Variants in JPH3 observed in about 807,000 individuals in gnomAD.
JPH3 encodes junctophilin-3.
JPH3 carries 11 observed loss-of-function variants against 59.6 expected under a neutral mutation model. The ratio of observed to expected loss-of-function variants is 0.18; its 90% CI spans 0.12 to 0.31. JPH3 has a LOEUF of 0.31. Ranked by LOEUF, JPH3 falls within the 10% of genes least tolerant of loss-of-function variation. The pLI, the probability that JPH3 is intolerant of heterozygous loss-of-function variation, is 1.00. For synonymous variants in JPH3, 673 were observed against 483.6 expected (o/e 1.39, Z -5.14); for missense variants, 1,202 against 1,105.7 (o/e 1.09, Z -1.24).
At chr16:87,687,625 C>T (rs2033449522) in intron 3 of JPH3, among the ~76,000 whole-genome samples, 2 of 149,294 alleles carry the variant, frequency 1.3e-5, no homozygotes, top group Non-Finnish European at 2.9e-5. Context: ...GGCTTGAAGG[C>T]ACAGGAAGAA....
At chr16:87,682,492 T>A (rs1328685071) in intron 2 of JPH3, among the ~76,000 whole-genome samples, 1 of 152,138 alleles carries the variant, frequency 6.6e-6, no homozygotes, top group Admixed American at 6.5e-5. Context: ...ATTAGTGCCC[T>A]GATGAAAGAG....
In JPH3 at chr16:87,619,896, G is replaced by A. The variant is rs573571616; in HGVS notation, c.382+16368G>A. Among the ~76,000 whole-genome samples the A allele has an allele frequency of 4.9e-4, 75 of 152,246 alleles. No homozygotes were observed. The South Asian group carries it at 0.014, about 28-fold the overall frequency. ...CTTCTAGGGAGTGAGGCTGGTGAGC[G>A]GGTTGGGGAGGAACCATGGGGCCTC... On this transcript the variant is annotated intron_variant, in intron 1 of 4. Coordinates refer to ENST00000284262, the MANE Select transcript of JPH3 (RefSeq NM_020655.4).
chr16:87,662,857 A>G (rs752550965), intron 2 of JPH3, among the ~76,000 whole-genome samples: 54 of 152,088 alleles, frequency 3.6e-4, no homozygotes, highest in Non-Finnish European at 6.5e-4. Flanking sequence ...GGCCCTCCCT[A>G]CCTGAAACCT....
chr16:87,626,727 G>C (rs970570219), intron 1 of JPH3, among the ~76,000 whole-genome samples: 3 of 152,266 alleles, frequency 2.0e-5, no homozygotes, highest in Admixed American at 6.5e-5. Flanking sequence ...TGGAGATGCA[G>C]ATGTTCCAAG....
At chr16:87,678,743 C>G (rs150306919) in intron 2 of JPH3, among the ~76,000 whole-genome samples, 33 of 152,274 alleles carry the variant, frequency 2.2e-4, no homozygotes, top group African/African-American at 6.0e-4. Flanking sequence ...GGGCCCCAAT[C>G]CAACGAAGAG....
intron 4 of JPH3, chr16:87,694,857 G>A: frequency 5.4e-6 from 1 of 186,312 alleles, no homozygotes; most frequent in Non-Finnish European, 1.1e-5. Context: ...TCTGCCTGGT[G>A]CCCAGCTTCT....
At chr16:87,641,781 C>T (rs1378585647) in intron 1 of JPH3, among the ~76,000 whole-genome samples, 1 of 152,276 alleles carries the variant, frequency 6.6e-6, no homozygotes. Context: ...CACGCCCCTT[C>T]TCTGCCCTGG....
intron 2 of JPH3, among the ~76,000 whole-genome samples, chr16:87,665,256 G>A (rs1016411825): frequency 2.0e-5 from 3 of 152,222 alleles, no homozygotes; most frequent in African/African-American, 7.2e-5. Flanking sequence ...CCCGGGACCT[G>A]CTGTTATATC....
At chr16:87,634,413 C>T (rs922080081) in intron 1 of JPH3, among the ~76,000 whole-genome samples, 1 of 152,172 alleles carries the variant, frequency 6.6e-6, no homozygotes, top group African/African-American at 2.4e-5. Context: ...ATGGGGAGGC[C>T]ATCGGAAGCC....
intron 1 of JPH3, among the ~76,000 whole-genome samples, chr16:87,638,039 C>T (rs1946048334): frequency 6.6e-6 from 1 of 152,140 alleles, no homozygotes; most frequent in African/African-American, 2.4e-5. Context: ...CCTGCCTCTG[C>T]CTCCCCAGTA....
At chr16:87,686,848 G>A (rs111957574) in intron 3 of JPH3, among the ~76,000 whole-genome samples, 2 of 152,230 alleles carry the variant, frequency 1.3e-5, no homozygotes, top group Non-Finnish European at 2.9e-5. Flanking sequence ...GGGGGCCGCT[G>A]TGATGGAGAG....
intron 1 of JPH3, 104 bp from the exon 2 acceptor site, chr16:87,644,153 AC>A: frequency 8.1e-7 from 1 of 1,236,628 alleles, no homozygotes; most frequent in Non-Finnish European, 1.1e-6. Flanking sequence ...ACACAAAACA[AC>A]AGGAAGCTCA....
intron 3 of JPH3, among the ~76,000 whole-genome samples, chr16:87,689,096 C>G (rs1051881847): frequency 6.6e-6 from 1 of 152,128 alleles, no homozygotes; most frequent in South Asian, 2.1e-4. Context: ...ACTTGAAGCC[C>G]CAGCAGCCTC....
At position 87,645,029 on chromosome 16, in the gene JPH3, C is replaced by T. The variant is rs1041152472; in HGVS notation, c.1154C>T (p.Ala385Val). ...GCCAAGCAGAAGGCTGAGATCGCGGCTTCCAGGTAGGAGGGCGAGGGGGCG... is the reference window on the plus strand; with the variant it reads ...GCCAAGCAGAAGGCTGAGATCGCGGTTTCCAGGTAGGAGGGCGAGGGGGCG... ...TIAKQKAEIAASRTSHSRAKA... is the reference protein window; with the variant it reads ...TIAKQKAEIAVSRTSHSRAKA... Residue 385 changes from alanine to valine, a missense_variant, in exon 2 of 5, where the codon GCT (alanine) becomes GTT (valine). Physicochemically the swap from Ala to Val is moderately conservative, Grantham distance 64. Coordinates refer to ENST00000284262, the MANE Select transcript of JPH3 (RefSeq NM_020655.4). 1.9e-6 allele frequency: 3 copies of T among 1,601,334 alleles called. No individual in the cohort carries two copies. The highest frequency in any genetic ancestry group is 1.7e-5 in the Admixed American group (1 of 59,822).
At chr16:87,636,359 T>C in intron 1 of JPH3, among the ~76,000 whole-genome samples, 1 of 152,190 alleles carries the variant, frequency 6.6e-6, no homozygotes, top group East Asian at 1.9e-4. Flanking sequence ...AGACTTTTTG[T>C]TTACTTAATC....
Position 87,644,589 on chromosome 16 carries a change from C to T in JPH3, c.714C>T (p.Arg238=), listed in dbSNP as rs1394720182. ...SESKSSLASQ[R]SKQSSFRSEA... ...CCAAGAGCAGCCTGGCCAGCCAACG[C>T]AGCAAGCAGAGCTCCTTTCGCAGCG... Residue 238 remains arginine, a synonymous_variant, in exon 2 of 5, where the codon CGC becomes CGT. Transcript: ENST00000284262. 3.1e-6 allele frequency: 5 copies of T among 1,612,870 alleles called. No individual in the cohort carries two copies. Among genetic ancestry groups the T allele is most frequent in the East Asian group, 4.5e-5 (2 of 44,836 alleles).
chr16:87,674,161 C>G (rs556529182), intron 2 of JPH3, among the ~76,000 whole-genome samples: 288 of 151,884 alleles, frequency 1.9e-3, no homozygotes, highest in Non-Finnish European at 3.1e-3. Context: ...GGTGAAACCC[C>G]GTCTCTACTA....
chr16:87,605,144 A>G (rs137937920), intron 1 of JPH3, among the ~76,000 whole-genome samples: 76 of 152,264 alleles, frequency 5.0e-4, no homozygotes, highest in African/African-American at 1.8e-3. Flanking sequence ...CCTGTCCTCC[A>G]GAGGTGCTCC....
chr16:87,672,250 G>A lies in JPH3; in HGVS notation c.1161-11892G>A, dbSNP rs1034138501. Among the ~76,000 whole-genome samples, 18 of 152,240 alleles carry A rather than the reference G, an allele frequency of 1.2e-4. No homozygotes were observed. In the East Asian group the frequency reaches 2.7e-3, roughly 23 times the overall value. The stretch of plus-strand genomic sequence containing the variant: ...GAAGAGACTCCGTTTCTAACACGCC[G>A]GGAGCCCTGCGCTTTGTCATGGAAA... On this transcript the variant is annotated intron_variant, in intron 2 of 4. Coordinates refer to ENST00000284262, the MANE Select transcript of JPH3 (RefSeq NM_020655.4).
Sources: allele counts gnomAD v4.1 joint callset (sites outside exome capture counted in the v4.1 genomes callset), GRCh38; gene constraint gnomAD v4.1.1; transcripts MANE v1.5; gene names NCBI Gene and HGNC (gene_info 2026-07-23, HGNC 2026-07-21).